NRXN3: variants seen among roughly 807,000 people sequenced by gnomAD.
The protein encoded by NRXN3 is neurexin 3.
NRXN3 carries 32 observed loss-of-function variants against 137.6 expected under a neutral mutation model. That is an observed-to-expected ratio of 0.23 (90% CI 0.18 to 0.31). The LOEUF (loss-of-function observed/expected upper bound fraction) is 0.31, where lower values mean the gene tolerates loss of function less well. Among genes scored for constraint, NRXN3 ranks in the 10% least tolerant of loss-of-function variants. The pLI, the probability that NRXN3 is intolerant of heterozygous loss-of-function variation, is 1.00. For missense variants in NRXN3, 1,574 were observed against 2,062.5 expected, an observed-to-expected ratio of 0.76 and a Z score of 4.59; for synonymous variants, 798 against 784.5, an observed-to-expected ratio of 1.02 and a Z score of -0.29.
At position 79,376,260 on chromosome 14, in the gene NRXN3, A is replaced by ATATG. The variant is rs1555408293; in HGVS notation, c.3263-90958_3263-90957insGTAT. The stretch of plus-strand genomic sequence containing the variant: ...TATATATATATATATATATATATAT[A>ATATG]TATATACACATACATATGACTCCAA... On this transcript the variant is annotated intron_variant, in intron 15 of 20. Transcript: ENST00000335750. Among the ~76,000 whole-genome samples, 3 of 72,582 alleles carry ATATG rather than the reference A, an allele frequency of 4.1e-5. No homozygotes were observed. The South Asian group carries it at 1.3e-3, about 31-fold the overall frequency. 47.6% of individuals were successfully genotyped at this position (72,582 alleles called of 152,430 possible).
chr14:78,746,359 C>T (rs1372873567), intron 8 of NRXN3, among the ~76,000 whole-genome samples: 1 of 152,124 alleles, frequency 6.6e-6, no homozygotes, highest in Non-Finnish European at 1.5e-5. Context: ...CACACAGAGA[C>T]CTTTATGCTT....
At chr14:78,445,104 T>G (rs1456365823) in intron 4 of NRXN3, among the ~76,000 whole-genome samples, 1 of 152,120 alleles carries the variant, frequency 6.6e-6, no homozygotes, top group Non-Finnish European at 1.5e-5. Context: ...TAACTAAAAC[T>G]TGGAGTCATC....
At chr14:79,809,729 T>C (rs2099224788) in intron 20 of NRXN3, among the ~76,000 whole-genome samples, 2 of 152,238 alleles carry the variant, frequency 1.3e-5, no homozygotes, top group African/African-American at 4.8e-5. Context: ...ATCTAATACT[T>C]TAGATTCGTT....
intron 15 of NRXN3, among the ~76,000 whole-genome samples, chr14:79,418,068 A>C (rs766871524): frequency 3.9e-5 from 6 of 152,140 alleles, no homozygotes; most frequent in Non-Finnish European, 8.8e-5. Flanking sequence ...TTAAACCAAG[A>C]CTAAAGATAA....
chr14:79,569,367 A>C (rs996401340), intron 16 of NRXN3, among the ~76,000 whole-genome samples: 6 of 152,260 alleles, frequency 3.9e-5, no homozygotes, highest in South Asian at 2.1e-4. Context: ...CTTTGAAAAC[A>C]TCTTCCTTTC....
At chr14:78,701,499 TC>T (rs2152803362) in intron 6 of NRXN3, among the ~76,000 whole-genome samples, 1 of 152,304 alleles carries the variant, frequency 6.6e-6, no homozygotes, top group South Asian at 2.1e-4. Flanking sequence ...ATGGCTTTTT[TC>T]AGAATGAGGT....
At chr14:79,700,996 A>C (rs2098752517) in intron 19 of NRXN3, among the ~76,000 whole-genome samples, 1 of 152,104 alleles carries the variant, frequency 6.6e-6, no homozygotes, top group Non-Finnish European at 1.5e-5. Context: ...ATAGGTGCTC[A>C]GTAAATATTT....
chr14:78,600,394 TC>T (rs1022988764), intron 4 of NRXN3, among the ~76,000 whole-genome samples: 68 of 152,218 alleles, frequency 4.5e-4, no homozygotes, highest in Non-Finnish European at 4.9e-4. Flanking sequence ...GTGTCTCTTG[TC>T]CCTTTGGGCT....
chr14:79,366,073 C>T (rs1055234253), intron 15 of NRXN3, among the ~76,000 whole-genome samples: 1 of 152,036 alleles, frequency 6.6e-6, no homozygotes, highest in African/African-American at 2.4e-5. Flanking sequence ...AAACAGAATG[C>T]TATGATTAAC....
intron 3 of NRXN3, among the ~76,000 whole-genome samples, chr14:78,291,484 G>A (rs555313555): frequency 3.3e-5 from 5 of 152,222 alleles, no homozygotes; most frequent in Middle Eastern, 6.8e-3. Context: ...CCTTTCCCAG[G>A]TCATTTTTGG....
intron 15 of NRXN3, among the ~76,000 whole-genome samples, chr14:79,284,352 A>ATATATATATAT (rs2081858799): frequency 1.9e-5 from 2 of 104,514 alleles, no homozygotes; most frequent in Admixed American, 1.7e-4. Context: ...ACATATATAT[A>ATATATATATAT]TATATATATA....
intron 8 of NRXN3, among the ~76,000 whole-genome samples, chr14:78,738,775 TG>T (rs71303853): frequency 3.1e-4 from 47 of 151,774 alleles, no homozygotes; most frequent in African/African-American, 1.0e-3. Flanking sequence ...TGGTGAGGGG[TG>T]GGGGGGTGCT....
intron 10 of NRXN3, among the ~76,000 whole-genome samples, chr14:78,859,684 T>TTA (rs71210531): frequency 7.2e-5 from 11 of 152,146 alleles, no homozygotes; most frequent in Non-Finnish European, 1.2e-4. Flanking sequence ...TGTGGTCTTG[T>TTA]TATATATATC....
chr14:79,499,228 C>G (rs2096796495), intron 16 of NRXN3, among the ~76,000 whole-genome samples: 1 of 152,194 alleles, frequency 6.6e-6, no homozygotes, highest in East Asian at 1.9e-4. Flanking sequence ...CCCTCCAGAA[C>G]ATCCTCCTCG....
intron 15 of NRXN3, among the ~76,000 whole-genome samples, chr14:79,181,001 A>G (rs920612708): frequency 1.3e-5 from 2 of 151,802 alleles, no homozygotes; most frequent in Non-Finnish European, 1.5e-5. Flanking sequence ...ATGGAAATGA[A>G]TAGTAAGATA....
intron 4 of NRXN3, among the ~76,000 whole-genome samples, chr14:78,470,440 C>A (rs1485113539): frequency 6.6e-6 from 1 of 152,028 alleles, no homozygotes; most frequent in Non-Finnish European, 1.5e-5. Flanking sequence ...AATTTCTTTT[C>A]TCGGTGGGAG....
chr14:78,618,698 A>G (rs1002537367), intron 4 of NRXN3, among the ~76,000 whole-genome samples: 2 of 152,174 alleles, frequency 1.3e-5, no homozygotes, highest in Non-Finnish European at 2.9e-5. Context: ...TTCATCTTCA[A>G]ACAATCCATG....
chr14:79,163,490 C>T (rs1596655341), intron 15 of NRXN3, among the ~76,000 whole-genome samples: 3 of 152,072 alleles, frequency 2.0e-5, no homozygotes, highest in Admixed American at 2.0e-4. Flanking sequence ...ACAGTGTCTT[C>T]TATCCCAAGA....
chr14:79,457,847 A>G (rs1286643914), intron 15 of NRXN3, among the ~76,000 whole-genome samples: 1 of 152,176 alleles, frequency 6.6e-6, no homozygotes, highest in Non-Finnish European at 1.5e-5. Flanking sequence ...GCTGTGAAAT[A>G]AAAGGAGGAA....
Sources: gnomAD v4.1 joint callset for allele counts (sites outside exome capture counted in the v4.1 genomes callset) on GRCh38, gnomAD v4.1.1 for gene constraint, MANE v1.5 for transcripts, NCBI Gene and HGNC (gene_info 2026-07-23, HGNC 2026-07-21) for gene names.